SLC11A2: variants seen among roughly 807,000 people sequenced by gnomAD.
SLC11A2 encodes natural resistance-associated macrophage protein 2.
Under a neutral mutation model 68.0 loss-of-function variants are expected in SLC11A2, and 38 were observed. That is an observed-to-expected ratio of 0.56 (90% CI 0.43 to 0.73). The LOEUF (loss-of-function observed/expected upper bound fraction) is 0.73. Ranked by LOEUF, SLC11A2 falls within the 30% of genes least tolerant of loss-of-function variation. The pLI, the probability that SLC11A2 is intolerant of heterozygous loss-of-function variation, is 0.00. For synonymous variants in SLC11A2, 242 were observed against 250.6 expected (o/e 0.97, Z 0.32); for missense variants, 517 against 690.5 (o/e 0.75, Z 2.82).
intron 5 of SLC11A2, among the ~76,000 whole-genome samples, chr12:51,003,949 GAAGA>G (rs1025076701): frequency 3.3e-5 from 5 of 151,644 alleles, no homozygotes; most frequent in Non-Finnish European, 5.9e-5. Flanking sequence ...CAAAAAATAA[GAAGA>G]AAGAAAGAAA....
intron 4 of SLC11A2, 21 bp from the exon 5 acceptor site, chr12:51,004,928 T>C (rs368568796): frequency 6.2e-7 from 1 of 1,613,156 alleles, no homozygotes; most frequent in African/African-American, 1.3e-5. Context: ...CAAAATCTCC[T>C]GTAACACTCA....
chr12:50,994,742 C>T, intron 10 of SLC11A2, 112 bp from the exon 11 acceptor site: 1 of 736,632 alleles, frequency 1.4e-6, no homozygotes, highest in Non-Finnish European at 2.5e-6. Context: ...GGAGGGAAAA[C>T]ACTGGACATA....
the SLC11A2 span, among the ~76,000 whole-genome samples, chr12:50,971,984 A>G: frequency 1.3e-5 from 2 of 152,352 alleles, no homozygotes; most frequent in East Asian, 3.9e-4. Flanking sequence ...AGTGCTACCA[A>G]CAAGTACATA....
At chr12:51,025,404 C>T (rs762159027) in intron 1 of SLC11A2, among the ~76,000 whole-genome samples, 10 of 152,184 alleles carry the variant, frequency 6.6e-5, no homozygotes, top group African/African-American at 2.4e-4. Flanking sequence ...AAGAAAGAGG[C>T]AAACAACATG....
At chr12:50,963,493 A>T in the SLC11A2 span, among the ~76,000 whole-genome samples, 2 of 152,066 alleles carry the variant, frequency 1.3e-5, no homozygotes, top group African/African-American at 4.8e-5. Context: ...GTGGGTTTTC[A>T]GCCATCTCCA....
At chr12:51,002,060 T>G (rs1011267006) in intron 5 of SLC11A2, among the ~76,000 whole-genome samples, 4 of 152,044 alleles carry the variant, frequency 2.6e-5, no homozygotes, top group African/African-American at 9.7e-5. Flanking sequence ...TCCAAAAAAT[T>G]TGTCAGGTCA....
chr12:50,992,626 G>C lies in SLC11A2; in HGVS notation c.1197+184C>G, dbSNP rs3742066. ...CAGAGCCTGTAATCCTAGCTACTCG[G>C]GAGGCTGAGTCAGGAGAATCACTTG... On this transcript the variant is annotated intron_variant, in intron 12 of 15. Transcript: ENST00000262052. 1.9e-3 allele frequency among the ~76,000 whole-genome samples: 282 copies of C among 151,796 alleles called. 1 individual carries two copies. In the East Asian group the frequency reaches 0.026, roughly 14 times the overall value.
downstream of SLC11A2, chr12:50,980,374 T>G (rs1140224): frequency 1.3e-5 from 2 of 158,934 alleles, no homozygotes; most frequent in African/African-American, 4.8e-5. Flanking sequence ...GTGGTGCCTG[T>G]AATCCCAGCT....
rs1490703003 is a variant in SLC11A2, at chr12:50,987,993, T to C, written c.*332A>G. The C allele has an allele frequency of 2.3e-6, 3 of 1,318,540 alleles. No individual in the cohort carries two copies. Among genetic ancestry groups the C allele is most frequent in the Admixed American group, 2.2e-5 (1 of 44,508 alleles). The allele number at this position is 1,318,540 out of a possible 1,614,324, so 81.7% of individuals were successfully genotyped here. On this transcript the variant is annotated 3_prime_UTR_variant, in exon 16 of 16. Coordinates refer to ENST00000262052, the MANE Select transcript of SLC11A2 (RefSeq NM_000617.3). ...TGCATTTTCCAATTTTTTTTTAACA[T>C]ATAGCCTGGTTAAGAATCATGCATA... is the stretch of plus-strand genomic sequence containing the variant.
chr12:50,972,924 C>T, the SLC11A2 span, among the ~76,000 whole-genome samples: 15 of 152,310 alleles, frequency 9.8e-5, no homozygotes, highest in African/African-American at 1.4e-4. Context: ...CAAACTGCAA[C>T]GTGGCAGCGA....
At chr12:51,013,364 C>T (rs187560460) in intron 1 of SLC11A2, among the ~76,000 whole-genome samples, 8 of 147,632 alleles carry the variant, frequency 5.4e-5, no homozygotes, top group Admixed American at 3.4e-4. Flanking sequence ...GATCTCAGCT[C>T]GCTACAACCT....
chr12:50,986,981 C>G lies in SLC11A2; in HGVS notation c.*1344G>C, dbSNP rs138011955. The G allele has an allele frequency of 7.8e-7, 1 of 1,286,548 alleles. No individual in the cohort carries two copies. The highest frequency in any genetic ancestry group is 2.3e-5 in the Admixed American group (1 of 43,472). 79.7% of individuals were successfully genotyped at this position (1,286,548 alleles called of 1,614,324 possible). A position where few individuals can be genotyped will look rare whatever the true frequency, so the allele number is the denominator to read the frequency against. ...ACACCATTTTCCATTACTGTTCTCA[C>G]CAAATCAATGACTATAAAACAGTTT... is the stretch of plus-strand genomic sequence containing the variant. On this transcript the variant is annotated 3_prime_UTR_variant, in exon 16 of 16. Coordinates refer to ENST00000262052, the MANE Select transcript of SLC11A2 (RefSeq NM_000617.3).
At chr12:50,997,390 G>A (rs537742494) in intron 8 of SLC11A2, among the ~76,000 whole-genome samples, 24 of 152,146 alleles carry the variant, frequency 1.6e-4, no homozygotes, top group Non-Finnish European at 2.9e-4. Context: ...AAACAGATGT[G>A]TATGATACAT....
the SLC11A2 span, among the ~76,000 whole-genome samples, chr12:50,963,322 A>G: frequency 6.8e-6 from 1 of 146,390 alleles, no homozygotes; most frequent in African/African-American, 2.5e-5. Flanking sequence ...GTGAACCAAA[A>G]CCACGCCACT....
intron 2 of SLC11A2, among the ~76,000 whole-genome samples, chr12:51,009,717 C>T (rs1036720413): frequency 8.5e-5 from 13 of 152,322 alleles, no homozygotes; most frequent in African/African-American, 2.6e-4. Flanking sequence ...GCTCCATACA[C>T]ATCTGAAACA....
chr12:50,983,922 C>T (rs181042931), downstream of SLC11A2, among the ~76,000 whole-genome samples: 268 of 151,502 alleles, frequency 1.8e-3, 1 homozygote, highest in Non-Finnish European at 2.1e-3. Flanking sequence ...GAGCTGAGAT[C>T]GCACCACTGC....
At chr12:50,980,253 C>T (rs1939945485), downstream of SLC11A2, 1 of 213,154 alleles carries the variant, frequency 4.7e-6, no homozygotes, top group African/African-American at 2.3e-5. Context: ...GGTGCAGTGG[C>T]TCACACCTGT....
chr12:50,999,404 C>A lies in SLC11A2; in HGVS notation c.548G>T (p.Trp183Leu). Residue 183 changes from tryptophan (W) to leucine (L), a missense_variant, in exon 7 of 16, where the codon TGG becomes TTG. By Grantham distance (61) the Trp-to-Leu change is moderately conservative. Transcript: ENST00000262052. ...TGCAATGGTGATGAGAACGCCACCC[C>A]ACAGAGGAATTCTAGGTCAGAGATG... ...NLLSVGRIPL[W>L]GGVLITIADT... 6.2e-7 allele frequency: 1 copy of A among 1,613,160 alleles called. No homozygotes were observed. The highest frequency in any genetic ancestry group is 8.5e-7 in the Non-Finnish European group (1 of 1,179,160).
intron 3 of SLC11A2, chr12:51,005,773 G>T: frequency 9.7e-7 from 1 of 1,028,140 alleles, no homozygotes; most frequent in Non-Finnish European, 1.3e-6. Flanking sequence ...GCCAGGTGTG[G>T]TGCTGTGTGG....
Sources: allele counts gnomAD v4.1 joint callset (sites outside exome capture counted in the v4.1 genomes callset), GRCh38; gene constraint gnomAD v4.1.1; transcripts MANE v1.5; gene names NCBI Gene and HGNC (gene_info 2026-07-23, HGNC 2026-07-21).